Variants in NRG1 observed in about 807,000 individuals in gnomAD.
NRG1 encodes the protein pro-neuregulin-1, membrane-bound isoform.
In NRG1, 18 loss-of-function variants were observed where a neutral mutation model predicts 63.8. The ratio of observed to expected loss-of-function variants is 0.28; its 90% CI spans 0.19 to 0.42. The LOEUF is 0.42. NRG1 is among the 10% of genes least tolerant of loss of function. The pLI is 1.00. For synonymous variants in NRG1, 302 were observed against 301.3 expected, an observed-to-expected ratio of 1.00 and a Z score of -0.02; for missense variants, 762 against 814.7, an observed-to-expected ratio of 0.94 and a Z score of 0.79.
chr8:32,508,344 G>A (rs1181508021), intron 1 of NRG1, among the ~76,000 whole-genome samples: 1 of 151,562 alleles, frequency 6.6e-6, no homozygotes, highest in Non-Finnish European at 1.5e-5. Context: ...GGGCTGGAGT[G>A]TAGTGGTGCG....
At chr8:32,361,170 T>C (rs1347793616) in intron 1 of NRG1, among the ~76,000 whole-genome samples, 1 of 152,144 alleles carries the variant, frequency 6.6e-6, no homozygotes, top group Non-Finnish European at 1.5e-5. Context: ...TCTCTATCAT[T>C]ACCAAGGAGC....
At chr8:31,814,119 G>C (rs554642093) in intron 1 of NRG1, among the ~76,000 whole-genome samples, 2 of 152,284 alleles carry the variant, frequency 1.3e-5, no homozygotes, top group Admixed American at 6.5e-5. Flanking sequence ...CAGGAACTAT[G>C]ACATGGAATA....
At chr8:32,004,835 C>T (rs1813493720) in intron 1 of NRG1, among the ~76,000 whole-genome samples, 1 of 151,476 alleles carries the variant, frequency 6.6e-6, no homozygotes, top group South Asian at 2.1e-4. Context: ...ATGATGAGAC[C>T]TCACAGAGGC....
intron 1 of NRG1, among the ~76,000 whole-genome samples, chr8:32,382,232 T>C (rs889216685): frequency 6.6e-6 from 1 of 152,168 alleles, no homozygotes; most frequent in Non-Finnish European, 1.5e-5. Flanking sequence ...GGTGTCAGAA[T>C]CCAGTTCTGT....
At chr8:32,581,451 A>G (rs1463443052) in intron 1 of NRG1, among the ~76,000 whole-genome samples, 1 of 152,226 alleles carries the variant, frequency 6.6e-6, no homozygotes, top group Non-Finnish European at 1.5e-5. Flanking sequence ...GAGTGTTTGA[A>G]TCACAGATTG....
intron 1 of NRG1, among the ~76,000 whole-genome samples, chr8:31,998,481 G>T (rs1368101718): frequency 6.6e-6 from 1 of 152,030 alleles, no homozygotes; most frequent in Non-Finnish European, 1.5e-5. Context: ...TTTAATAAAA[G>T]TAGTAACATT....
intron 1 of NRG1, among the ~76,000 whole-genome samples, chr8:31,917,582 A>G (rs2129618070): frequency 6.6e-6 from 1 of 152,256 alleles, no homozygotes; most frequent in East Asian, 1.9e-4. Context: ...TTTTGGTACC[A>G]GTACCATGCT....
At chr8:31,856,889 G>T (rs1262193752) in intron 1 of NRG1, among the ~76,000 whole-genome samples, 2 of 152,206 alleles carry the variant, frequency 1.3e-5, no homozygotes, top group African/African-American at 4.8e-5. Context: ...GTGTCAGTCT[G>T]CCCCTGCTGG....
intron 1 of NRG1, among the ~76,000 whole-genome samples, chr8:32,218,306 A>T (rs375442424): frequency 6.6e-6 from 1 of 152,370 alleles, no homozygotes; most frequent in African/African-American, 2.4e-5. Flanking sequence ...TAAGGCAAAC[A>T]TCAAGCTGTA....
chr8:32,174,339 T>G (rs573161874), intron 1 of NRG1, among the ~76,000 whole-genome samples: 2 of 151,674 alleles, frequency 1.3e-5, no homozygotes, highest in African/African-American at 2.4e-5. Context: ...AAGCAGTGTG[T>G]AGAGGGAAAT....
At chr8:32,361,633 G>A (rs1409133350) in intron 1 of NRG1, among the ~76,000 whole-genome samples, 2 of 151,810 alleles carry the variant, frequency 1.3e-5, no homozygotes, top group Non-Finnish European at 2.9e-5. Flanking sequence ...ACATACTTGG[G>A]TACTTCCCCT....
chr8:32,596,939 C>T (rs1843467810), intron 2 of NRG1, among the ~76,000 whole-genome samples: 1 of 152,122 alleles, frequency 6.6e-6, no homozygotes, highest in South Asian at 2.1e-4. Flanking sequence ...CATGTGATTC[C>T]TGTAACATCT....
chr8:32,611,977 A>T (rs1257741810), intron 3 of NRG1, among the ~76,000 whole-genome samples: 1 of 152,018 alleles, frequency 6.6e-6, no homozygotes, highest in Admixed American at 6.6e-5. Flanking sequence ...TTTTCCTGAG[A>T]CCAGACCCCG....
At chr8:32,771,748 C>A (rs1423619687), downstream of NRG1, among the ~76,000 whole-genome samples, 2 of 137,982 alleles carry the variant, frequency 1.4e-5, no homozygotes, top group Non-Finnish European at 3.1e-5. Context: ...ATAGGCCTGG[C>A]ACGGTGGCTC....
At chr8:32,267,723 A>T (rs1851128074) in intron 1 of NRG1, among the ~76,000 whole-genome samples, 1 of 152,138 alleles carries the variant, frequency 6.6e-6, no homozygotes, top group Admixed American at 6.5e-5. Context: ...TAATTCAGAT[A>T]ATCTCAGTTT....
chr8:31,935,934 C>A (rs1277102415), intron 1 of NRG1, among the ~76,000 whole-genome samples: 1 of 152,068 alleles, frequency 6.6e-6, no homozygotes, highest in Non-Finnish European at 1.5e-5. Flanking sequence ...TGCTCTTGAG[C>A]TTAGGAGGAG....
chr8:32,574,196 T>G (rs116260980), intron 1 of NRG1, among the ~76,000 whole-genome samples: 2,269 of 152,286 alleles, frequency 0.015, 55 homozygotes, highest in African/African-American at 0.052. Flanking sequence ...TTAAACAGGA[T>G]AGAAGATTTT....
At chr8:31,711,168 T>C (rs192127011) in intron 1 of NRG1, among the ~76,000 whole-genome samples, 5 of 152,312 alleles carry the variant, frequency 3.3e-5, no homozygotes, top group Admixed American at 3.3e-4. Flanking sequence ...CCAGTTCTGC[T>C]TGGCAGAGCA....
chr8:32,356,474 A>AG (rs1554517204), intron 1 of NRG1, among the ~76,000 whole-genome samples: 1 of 69,336 alleles, frequency 1.4e-5, no homozygotes, highest in Non-Finnish European at 2.9e-5. Context: ...CCTTGTTGGG[A>AG]CCCCCCCCCC....
Sources: allele counts gnomAD v4.1 joint callset (sites outside exome capture counted in the v4.1 genomes callset), GRCh38; gene constraint gnomAD v4.1.1; transcripts MANE v1.5; gene names NCBI Gene and HGNC (gene_info 2026-07-23, HGNC 2026-07-21).